The following AMOTL1 variants were observed in gnomAD, a reference collection of about 807,000 sequenced individuals.
The protein encoded by AMOTL1 is angiomotin like 1.
A neutral mutation model predicts 102.9 loss-of-function variants in AMOTL1; 45 were observed. That is an observed-to-expected ratio of 0.44 (90% CI 0.34 to 0.56). The LOEUF (loss-of-function observed/expected upper bound fraction) is 0.56. Ranked by LOEUF, AMOTL1 falls within the 20% of genes least tolerant of loss-of-function variation. The pLI is 0.01. For missense variants in AMOTL1, 1,114 were observed against 1,225.6 expected (o/e 0.91, Z 1.36); for synonymous variants, 481 against 484.7 (o/e 0.99, Z 0.10).
chr11:94,711,768 G>A (rs1950025654), intron 1 of AMOTL1, among the ~76,000 whole-genome samples: 1 of 152,052 alleles, frequency 6.6e-6, no homozygotes, highest in South Asian at 2.1e-4. Flanking sequence ...TCAATAGTTG[G>A]TTCCTTTTTG....
intron 2 of AMOTL1, among the ~76,000 whole-genome samples, chr11:94,733,112 AAACT>A (rs897004613): frequency 1.2e-4 from 18 of 152,212 alleles, no homozygotes; most frequent in Admixed American, 2.6e-4. Context: ...TTGCAAAGGC[AAACT>A]AACTAAGCCC....
At chr11:94,719,816 A>G (rs967147394) in intron 1 of AMOTL1, among the ~76,000 whole-genome samples, 1 of 152,162 alleles carries the variant, frequency 6.6e-6, no homozygotes, top group Non-Finnish European at 1.5e-5. Flanking sequence ...ACCCAAGTCT[A>G]TGTGAGGGCA....
intron 3 of AMOTL1, among the ~76,000 whole-genome samples, chr11:94,805,792 G>T (rs1422599088): frequency 1.3e-5 from 2 of 152,192 alleles, no homozygotes; most frequent in African/African-American, 4.8e-5. Context: ...GCATGACATG[G>T]TAGTGTTTGG....
intron 3 of AMOTL1, among the ~76,000 whole-genome samples, chr11:94,753,690 G>A (rs1950685966): frequency 6.6e-6 from 1 of 152,150 alleles, no homozygotes; most frequent in Non-Finnish European, 1.5e-5. Context: ...CTATTGCTAG[G>A]ATTCCTAACC....
In AMOTL1 at chr11:94,874,799, T is replaced by G. The variant is rs977968978; in HGVS notation, c.*4004T>G. 2.0e-5 allele frequency: 3 copies of G among 152,116 alleles called. No individual in the cohort carries two copies. Among genetic ancestry groups the G allele is most frequent in the African/African-American group, 7.2e-5 (3 of 41,418 alleles). The allele number at this position is 152,116 out of a possible 1,614,324, so 9.4% of individuals were successfully genotyped here. On this transcript the variant is annotated 3_prime_UTR_variant, in exon 13 of 13. Transcript: ENST00000433060. The stretch of plus-strand genomic sequence containing the variant: ...ACCTCAGAAGCAGTGGATAATAGAT[T>G]GGGGCATTAAAAGCTTTTGAGGCAG...
intron 1 of AMOTL1, among the ~76,000 whole-genome samples, chr11:94,778,754 G>A (rs1251683850): frequency 2.6e-5 from 4 of 152,306 alleles, no homozygotes; most frequent in African/African-American, 7.2e-5. Context: ...GGGGCAAGAA[G>A]ACTGAGAGCG....
chr11:94,860,092 A>G (rs1468283276), intron 9 of AMOTL1, among the ~76,000 whole-genome samples: 2 of 152,228 alleles, frequency 1.3e-5, no homozygotes, highest in African/African-American at 4.8e-5. Context: ...ACACAGTGGA[A>G]TACTGTGCAA....
chr11:94,729,880 A>G (rs1379036058), intron 2 of AMOTL1, among the ~76,000 whole-genome samples: 1 of 152,214 alleles, frequency 6.6e-6, no homozygotes, highest in Non-Finnish European at 1.5e-5. Context: ...AGAGAACAAC[A>G]GACTATACTC....
Position 94,821,734 on chromosome 11 carries a change from G to A in AMOTL1, c.1326G>A (p.Gln442=), listed in dbSNP as rs754177293. ...PDAFAIVERA[Q]QMVEILTEEN... Reference sequence around the variant, plus strand: ...CCTTTGCGATTGTGGAGCGAGCCCAGCAAATGGTGGAGATATTAACAGAGG... The same window carrying A: ...CCTTTGCGATTGTGGAGCGAGCCCAACAAATGGTGGAGATATTAACAGAGG... The change falls in exon 4 of 13, where the codon CAG becomes CAA. Residue 442 remains glutamine, a synonymous_variant. Coordinates refer to ENST00000433060, the MANE Select transcript of AMOTL1 (RefSeq NM_130847.3). 3.8e-5 allele frequency: 61 copies of A among 1,613,932 alleles called. No individual in the cohort carries two copies. Among genetic ancestry groups the A allele is most frequent in the Non-Finnish European group, 5.0e-5 (59 of 1,179,906 alleles).
At chr11:94,769,581 C>G (rs1242018672) in intron 1 of AMOTL1, among the ~76,000 whole-genome samples, 1 of 152,212 alleles carries the variant, frequency 6.6e-6, no homozygotes, top group African/African-American at 2.4e-5. Context: ...CTTTCCTTTT[C>G]CATTTTTGTT....
At chr11:94,767,634 AG>A (rs1444459704), upstream of AMOTL1, among the ~76,000 whole-genome samples, 2 of 152,222 alleles carry the variant, frequency 1.3e-5, no homozygotes, top group Admixed American at 1.3e-4. Context: ...ACCCCAGATT[AG>A]GGCTCCAGAG....
chr11:94,795,861 T>C (rs1951357189), intron 2 of AMOTL1, among the ~76,000 whole-genome samples: 1 of 152,262 alleles, frequency 6.6e-6, no homozygotes, highest in African/African-American at 2.4e-5. Context: ...TTTATTTGAA[T>C]GTGCTTGTTC....
intron 1 of AMOTL1, among the ~76,000 whole-genome samples, chr11:94,718,258 A>G (rs758993012): frequency 1.8e-4 from 27 of 152,078 alleles, no homozygotes; most frequent in Non-Finnish European, 3.1e-4. Context: ...CTGACTTATC[A>G]GTTCTTATAG....
intron 3 of AMOTL1, among the ~76,000 whole-genome samples, chr11:94,745,815 TTTTAC>T (rs1950583759): frequency 6.6e-6 from 1 of 152,170 alleles, no homozygotes; most frequent in African/African-American, 2.4e-5. Flanking sequence ...ATAAAATAGC[TTTTAC>T]CAGTTATCCC....
intron 4 of AMOTL1, among the ~76,000 whole-genome samples, chr11:94,826,082 C>T (rs1388411922): frequency 5.3e-5 from 8 of 152,070 alleles, no homozygotes; most frequent in South Asian, 4.1e-4. Context: ...ATCAGGAGTT[C>T]GAGACCAGCC....
chr11:94,766,593 C>T (rs1028894980), upstream of AMOTL1, among the ~76,000 whole-genome samples: 2 of 152,134 alleles, frequency 1.3e-5, no homozygotes, highest in Non-Finnish European at 2.9e-5. Context: ...TCACTTCTTC[C>T]CCAATTTGTA....
chr11:94,843,855 T>A (rs1461371174), intron 6 of AMOTL1, among the ~76,000 whole-genome samples: 1 of 152,210 alleles, frequency 6.6e-6, no homozygotes, highest in Non-Finnish European at 1.5e-5. Context: ...GTCTATTTCA[T>A]AGAGCATTCC....
chr11:94,730,871 G>T (rs1950338169), intron 2 of AMOTL1, among the ~76,000 whole-genome samples: 2 of 152,156 alleles, frequency 1.3e-5, no homozygotes, highest in Non-Finnish European at 2.9e-5. Context: ...AAGCCTAAAG[G>T]CAGAGGAGAG....
intron 3 of AMOTL1, among the ~76,000 whole-genome samples, chr11:94,756,088 C>T (rs1274104429): frequency 6.6e-6 from 1 of 150,880 alleles, no homozygotes; most frequent in Non-Finnish European, 1.5e-5. Flanking sequence ...CCAGACTCTC[C>T]TCTGACTGCC....
Sources: allele counts gnomAD v4.1 joint callset (sites outside exome capture counted in the v4.1 genomes callset), GRCh38; gene constraint gnomAD v4.1.1; transcripts MANE v1.5; gene names NCBI Gene and HGNC (gene_info 2026-07-23, HGNC 2026-07-21).